PCDHA8: variants seen among roughly 807,000 people sequenced by gnomAD.
PCDHA8 encodes protocadherin alpha-8.
Under a neutral mutation model 61.8 loss-of-function variants are expected in PCDHA8, and 53 were observed. That is an observed-to-expected ratio of 0.86 (90% CI 0.69 to 1.08). The LOEUF (loss-of-function observed/expected upper bound fraction) is 1.08. Among genes scored for constraint, PCDHA8 ranks in the 50% least tolerant of loss-of-function variants. The probability of loss-of-function intolerance (pLI) is 0.00; values close to 1 mark genes in which losing one functional copy is unlikely to be tolerated. For synonymous variants in PCDHA8, 618 were observed against 556.6 expected (o/e 1.11, Z -1.55); for missense variants, 1,293 against 1,245.0 (o/e 1.04, Z -0.58).
chr5:140,910,022 C>G (rs2074840302), intron 1 of PCDHA8, among the ~76,000 whole-genome samples: 1 of 152,174 alleles, frequency 6.6e-6, no homozygotes, highest in South Asian at 2.1e-4. Context: ...CCTTGTATCC[C>G]TGGGATAAAT....
intron 1 of PCDHA8, chr5:140,878,115 A>T: frequency 4.3e-6 from 1 of 232,352 alleles, no homozygotes; most frequent in Non-Finnish European, 8.1e-6. Flanking sequence ...AAAAAACAGT[A>T]TATTAGATTA....
intron 1 of PCDHA8, among the ~76,000 whole-genome samples, chr5:140,945,365 G>A (rs1458066318): frequency 6.6e-6 from 1 of 151,914 alleles, no homozygotes; most frequent in Non-Finnish European, 1.5e-5. Flanking sequence ...TGTTTAAAAT[G>A]TCCATATTAC....
At chr5:140,928,504 A>G (rs1408229072) in intron 1 of PCDHA8, 1 of 1,614,092 alleles carries the variant, frequency 6.2e-7, no homozygotes, top group African/African-American at 1.3e-5. Flanking sequence ...CAGAAGTGCA[A>G]CAGTGACTAT....
intron 1 of PCDHA8, among the ~76,000 whole-genome samples, chr5:140,915,068 ACTGAGTAG>A (rs2076964271): frequency 1.3e-5 from 2 of 150,322 alleles, no homozygotes; most frequent in South Asian, 4.2e-4. Context: ...GCCTTAGCCT[ACTGAGTAG>A]CTGGGACTAT....
chr5:140,943,800 A>G (rs1470801059), intron 1 of PCDHA8, among the ~76,000 whole-genome samples: 1 of 152,218 alleles, frequency 6.6e-6, no homozygotes, highest in East Asian at 1.9e-4. Flanking sequence ...GCAAAGCAAA[A>G]GAGGAAAGTT....
intron 1 of PCDHA8, among the ~76,000 whole-genome samples, chr5:140,947,620 T>C (rs1554218262): frequency 6.6e-6 from 1 of 151,706 alleles, no homozygotes; most frequent in African/African-American, 2.4e-5. Flanking sequence ...CTTAACAATA[T>C]TGAGTCATCA....
At chr5:140,970,135 G>C (rs1317802980) in intron 1 of PCDHA8, among the ~76,000 whole-genome samples, 1 of 152,016 alleles carries the variant, frequency 6.6e-6, no homozygotes, top group Non-Finnish European at 1.5e-5. Context: ...GAAGAGAAGG[G>C]AAAAAGAATT....
chr5:140,928,834 T>G, intron 1 of PCDHA8: 3 of 1,614,178 alleles, frequency 1.9e-6, no homozygotes, highest in Non-Finnish European at 2.5e-6. Flanking sequence ...ACCACTTTCC[T>G]CCTCTGTCAC....
At chr5:140,925,108 G>GGAAGGAA (rs1554202548) in intron 1 of PCDHA8, among the ~76,000 whole-genome samples, 42 of 124,700 alleles carry the variant, frequency 3.4e-4, no homozygotes, top group African/African-American at 1.4e-3. Context: ...GAAGGAAGGA[G>GGAAGGAA]GGAAGGAAGG....
chr5:140,856,803 A>G, intron 1 of PCDHA8: 4 of 1,595,568 alleles, frequency 2.5e-6, no homozygotes, highest in Non-Finnish European at 3.4e-6. Flanking sequence ...AAGATGTATG[A>G]AAATCAAGTG....
chr5:140,850,188 C>T (rs2150472267), intron 1 of PCDHA8: 1 of 1,593,702 alleles, frequency 6.3e-7, no homozygotes, highest in Non-Finnish European at 8.6e-7. Flanking sequence ...TGCGCCGGCG[C>T]TGCTGACACC....
At chr5:140,898,894 G>A (rs1200031286) in intron 1 of PCDHA8, among the ~76,000 whole-genome samples, 5 of 152,102 alleles carry the variant, frequency 3.3e-5, no homozygotes, top group African/African-American at 9.7e-5. Context: ...TCTCCTTGAA[G>A]AGGTCCTTCA....
intron 1 of PCDHA8, chr5:140,870,487 T>A: frequency 6.2e-7 from 1 of 1,614,204 alleles, no homozygotes. Flanking sequence ...GTACACCGTG[T>A]TCGTGAAGGA....
At chr5:140,912,443 G>T (rs1351780500) in intron 1 of PCDHA8, among the ~76,000 whole-genome samples, 3 of 151,748 alleles carry the variant, frequency 2.0e-5, no homozygotes, top group African/African-American at 7.3e-5. Flanking sequence ...TGATTTGTGT[G>T]CATTGATTTT....
intron 1 of PCDHA8, among the ~76,000 whole-genome samples, chr5:140,887,239 G>C (rs1248062448): frequency 6.6e-6 from 1 of 151,736 alleles, no homozygotes. Flanking sequence ...TGAGACTACC[G>C]GCGCCCGCCA....
chr5:140,907,163 T>C (rs1019409387), intron 1 of PCDHA8, among the ~76,000 whole-genome samples: 1 of 152,162 alleles, frequency 6.6e-6, no homozygotes, highest in Non-Finnish European at 1.5e-5. Context: ...TACCATATAT[T>C]GGATGCTGAT....
chr5:140,984,945 C>CT (rs113297104), intron 3 of PCDHA8, among the ~76,000 whole-genome samples: 99 of 149,274 alleles, frequency 6.6e-4, no homozygotes, highest in Non-Finnish European at 1.1e-3. Context: ...AATGTCTAAT[C>CT]TTTTTTTTTT....
Position 140,843,379 on chromosome 5 carries a change from T to G in PCDHA8, c.2058T>G (p.Val686=). 6.3e-7 allele frequency: 1 copy of G among 1,595,912 alleles called. No homozygotes were observed. The highest frequency in any genetic ancestry group is 8.6e-7 in the Non-Finnish European group (1 of 1,165,538). ...PKASSRQSAG[V]LGPEAALVDV... is the part of the protein sequence containing the mutation. ...CGTCATCGAGGCAGTCGGCTGGCGT[T>G]TTGGGTCCGGAAGCGGCGCTGGTGG... Residue 686 remains valine, a synonymous_variant, in exon 1 of 4, where the codon GTT becomes GTG. Transcript: ENST00000531613.
intron 1 of PCDHA8, among the ~76,000 whole-genome samples, chr5:140,895,640 T>G (rs1554186577): frequency 6.6e-6 from 1 of 152,220 alleles, no homozygotes; most frequent in Non-Finnish European, 1.5e-5. Flanking sequence ...ACATTCTTTT[T>G]TAGCTCCCAC....
Sources: gnomAD v4.1 joint callset for allele counts (sites outside exome capture counted in the v4.1 genomes callset) on GRCh38, gnomAD v4.1.1 for gene constraint, MANE v1.5 for transcripts, NCBI Gene and HGNC (gene_info 2026-07-23, HGNC 2026-07-21) for gene names.